CAPN9: variants seen among roughly 807,000 people sequenced by gnomAD.
The protein encoded by CAPN9 is calpain-9.
Under a neutral mutation model 92.8 loss-of-function variants are expected in CAPN9, and 81 were observed. The observed-to-expected ratio is 0.87, with a 90% confidence interval of 0.73 to 1.05. The LOEUF is 1.05. Ranked by LOEUF, CAPN9 falls within the 50% of genes least tolerant of loss-of-function variation. The pLI, the probability that CAPN9 is intolerant of heterozygous loss-of-function variation, is 0.00. For synonymous variants in CAPN9, 304 were observed against 328.0 expected (o/e 0.93, Z 0.79); for missense variants, 848 against 866.2 (o/e 0.98, Z 0.26).
Position 230,786,019 on chromosome 1 carries a change from T to A in CAPN9, c.1518+2T>A, listed in dbSNP as rs1667559455. The A allele has an allele frequency of 6.2e-7, 1 of 1,613,662 alleles. No homozygotes were observed. The highest frequency in any genetic ancestry group is 1.7e-5 in the Admixed American group (1 of 60,002). Reference sequence around the variant, plus strand: ...AATGTAGACATTGACCTTCCTGAGGTGAGTCTTCTGATGTTGCTATGGAGT... The same window carrying A: ...AATGTAGACATTGACCTTCCTGAGGAGAGTCTTCTGATGTTGCTATGGAGT... On this transcript the variant is annotated splice_donor_variant, in intron 12 of 19. Coordinates refer to ENST00000271971, the MANE Select transcript of CAPN9 (RefSeq NM_006615.3). LOFTEE classifies it high-confidence loss of function.
intron 6 of CAPN9, 51 bp downstream of exon 6, chr1:230,769,314 C>T (rs550081695): frequency 1.2e-5 from 16 of 1,296,424 alleles, no homozygotes; most frequent in Non-Finnish European, 1.7e-5. Flanking sequence ...TGTGACAATG[C>T]TAATCCCTTA....
chr1:230,762,413 A>AC (rs1665702986), intron 3 of CAPN9, among the ~76,000 whole-genome samples: 1 of 152,178 alleles, frequency 6.6e-6, no homozygotes, highest in African/African-American at 2.4e-5. Context: ...TGCGGCTTTG[A>AC]TGGGTTGACC....
chr1:230,787,648 G>C (rs1337479546), intron 13 of CAPN9, 46 bp downstream of exon 13: 4 of 1,535,012 alleles, frequency 2.6e-6, no homozygotes, highest in Non-Finnish European at 3.6e-6. Context: ...TGAGGGCCTG[G>C]ACCTGCTTCC....
intron 19 of CAPN9, 70 bp from the exon 20 acceptor site, chr1:230,801,500 A>T: frequency 6.7e-7 from 1 of 1,492,944 alleles, no homozygotes. Context: ...AACTGGGGCC[A>T]CTCCTGAGGC....
chr1:230,747,508 C>T lies in CAPN9; in HGVS notation c.12C>T (p.Leu4=). The change falls in exon 1 of 20, where the codon CTC becomes CTT. Residue 4 remains leucine, a synonymous_variant. Coordinates refer to ENST00000271971, the MANE Select transcript of CAPN9 (RefSeq NM_006615.3). The part of the protein sequence containing the change: MPY[L]YRAPGPQAHP... Reference sequence around the variant, plus strand: ...TCCAGGGAGCAGCCATGCCTTACCTCTACCGGGCCCCAGGGCCTCAGGCAC... The same window carrying T: ...TCCAGGGAGCAGCCATGCCTTACCTTTACCGGGCCCCAGGGCCTCAGGCAC... 2 of 1,614,086 alleles carry T rather than the reference C, an allele frequency of 1.2e-6. No individual in the cohort carries two copies. The highest frequency in any genetic ancestry group is 1.7e-6 in the Non-Finnish European group (2 of 1,180,000).
chr1:230,772,747 T>C (rs1305814965), intron 7 of CAPN9, among the ~76,000 whole-genome samples: 44 of 134,810 alleles, frequency 3.3e-4, no homozygotes, highest in African/African-American at 8.9e-4. Flanking sequence ...CCCATCTCTT[T>C]TTTTTTTTTT....
chr1:230,769,801 A>G (rs1397254479), intron 6 of CAPN9, among the ~76,000 whole-genome samples: 1 of 152,100 alleles, frequency 6.6e-6, no homozygotes, highest in Non-Finnish European at 1.5e-5. Context: ...AGCCTACTCA[A>G]CATGAAGATA....
intron 4 of CAPN9, among the ~76,000 whole-genome samples, chr1:230,766,658 G>A (rs994283143): frequency 6.6e-6 from 1 of 152,190 alleles, no homozygotes; most frequent in Non-Finnish European, 1.5e-5. Flanking sequence ...AACTAAAGAA[G>A]CCCAAATAAG....
chr1:230,784,518 T>A (rs1053476880), intron 11 of CAPN9, among the ~76,000 whole-genome samples: 2 of 152,206 alleles, frequency 1.3e-5, no homozygotes, highest in African/African-American at 4.8e-5. Flanking sequence ...CCAGCTCCAG[T>A]CTCTGCTCAA....
At chr1:230,760,189 C>G (rs1001126886) in intron 3 of CAPN9, among the ~76,000 whole-genome samples, 2 of 152,172 alleles carry the variant, frequency 1.3e-5, no homozygotes, top group Non-Finnish European at 2.9e-5. Context: ...CCTCCAGTCT[C>G]TCCTCCACCC....
chr1:230,757,758 T>C (rs185178430), intron 2 of CAPN9, among the ~76,000 whole-genome samples: 3 of 145,904 alleles, frequency 2.1e-5, no homozygotes, highest in African/African-American at 5.0e-5. Context: ...TGGAACAGCA[T>C]CAAGGCATGC....
chr1:230,782,830 AAC>A (rs1444106425), intron 11 of CAPN9, among the ~76,000 whole-genome samples: 1 of 152,142 alleles, frequency 6.6e-6, no homozygotes, highest in East Asian at 1.9e-4. Flanking sequence ...CAGCCTGGCC[AAC>A]ACAGAGAAAC....
chr1:230,786,255 G>A (rs11122602), intron 12 of CAPN9: 4 of 661,678 alleles, frequency 6.0e-6, no homozygotes, highest in Non-Finnish European at 7.5e-6. Flanking sequence ...AGTTCTGTTC[G>A]ATGTCATCTT....
At chr1:230,775,381 G>C (rs541999588) in intron 8 of CAPN9, among the ~76,000 whole-genome samples, 1 of 152,120 alleles carries the variant, frequency 6.6e-6, no homozygotes, top group East Asian at 1.9e-4. Context: ...ATCGACCTAC[G>C]TAGGAAGTAA....
At chr1:230,747,826 C>T in intron 1 of CAPN9, 117 bp downstream of exon 1, 2 of 839,024 alleles carry the variant, frequency 2.4e-6, no homozygotes, top group South Asian at 1.5e-5. Context: ...AACTGAGGTG[C>T]ATCATCCCAG....
intron 2 of CAPN9, 50 bp downstream of exon 2, chr1:230,755,456 A>T (rs1558083965): frequency 6.9e-7 from 1 of 1,452,342 alleles, no homozygotes; most frequent in Non-Finnish European, 9.5e-7. Context: ...AGTCACTGGG[A>T]CAGGCAAGCA....
intron 1 of CAPN9, chr1:230,752,792 G>A: frequency 1.3e-6 from 1 of 744,116 alleles, no homozygotes; most frequent in African/African-American, 1.9e-5. Context: ...ATCAAGACAG[G>A]GAGGGCTTGG....
intron 18 of CAPN9, among the ~76,000 whole-genome samples, chr1:230,795,737 G>A (rs1253191484): frequency 2.0e-5 from 3 of 152,070 alleles, no homozygotes; most frequent in Non-Finnish European, 4.4e-5. Flanking sequence ...AGTGTTTGCA[G>A]TTTATTGTCA....
chr1:230,759,222 G>A (rs1252870404), intron 2 of CAPN9, among the ~76,000 whole-genome samples: 1 of 152,188 alleles, frequency 6.6e-6, no homozygotes. Context: ...GGGAGTTGCT[G>A]GAATTCACAG....
Sources: allele counts gnomAD v4.1 joint callset (sites outside exome capture counted in the v4.1 genomes callset), GRCh38; gene constraint gnomAD v4.1.1; transcripts MANE v1.5; gene names NCBI Gene and HGNC (gene_info 2026-07-23, HGNC 2026-07-21).